The following SERINC2 variants were observed in gnomAD, a reference collection of about 807,000 sequenced individuals.
The protein encoded by SERINC2 is serine incorporator 2.
In SERINC2, 56 loss-of-function variants were observed where a neutral mutation model predicts 54.2. The ratio of observed to expected loss-of-function variants is 1.03; its 90% CI spans 0.83 to 1.29. The LOEUF (loss-of-function observed/expected upper bound fraction) is 1.29. Among genes scored for constraint, SERINC2 ranks in the 50% most tolerant of loss-of-function variants. The pLI, the probability that SERINC2 is intolerant of heterozygous loss-of-function variation, is 0.00. For synonymous variants in SERINC2, 272 were observed against 253.1 expected (o/e 1.07, Z -0.71); for missense variants, 614 against 607.4 (o/e 1.01, Z -0.12).
In SERINC2 at chr1:31,425,759, C is replaced by T. The variant is rs374878538; in HGVS notation, c.473-17C>T. On this transcript the variant is annotated splice_polypyrimidine_tract_variant and intron_variant, in intron 4 of 9. Transcript: ENST00000373709. ...AGAGAGGGACCCTCCTCGCCTCACTCCCCTCTCCCCACCCAGTCTGGTTCT... is the reference window on the plus strand; with the variant it reads ...AGAGAGGGACCCTCCTCGCCTCACTTCCCTCTCCCCACCCAGTCTGGTTCT... 3 of 1,591,324 alleles carry T rather than the reference C, an allele frequency of 1.9e-6. No homozygotes were observed. In the East Asian group the frequency reaches 6.7e-5, roughly 35 times the overall value.
intron 1 of SERINC2, among the ~76,000 whole-genome samples, chr1:31,416,256 C>T (rs912873924): frequency 2.6e-5 from 4 of 152,168 alleles, no homozygotes; most frequent in Non-Finnish European, 5.9e-5. Flanking sequence ...CATAAACACC[C>T]CACAGTAGTA....
At chr1:31,432,837 C>A in intron 8 of SERINC2, 130 bp from the exon 9 acceptor site, 1 of 677,740 alleles carries the variant, frequency 1.5e-6, no homozygotes, top group Non-Finnish European at 2.5e-6. Flanking sequence ...AGTTGAGAGG[C>A]AAAGCAGTTT....
intron 8 of SERINC2, among the ~76,000 whole-genome samples, chr1:31,429,840 AG>A (rs1641148460): frequency 6.6e-6 from 1 of 152,056 alleles, no homozygotes; most frequent in South Asian, 2.1e-4. Context: ...CAGTGGGTCC[AG>A]GGTCTGTTTC....
At chr1:31,432,077 GGGTGGTTAGGGTGGAC>G (rs1641277495) in intron 8 of SERINC2, among the ~76,000 whole-genome samples, 14 of 121,508 alleles carry the variant, frequency 1.2e-4, no homozygotes, top group East Asian at 2.7e-4. Context: ...AGGGTGGACA[GGGTGGTTAGGGTGGAC>G]AGGGTGGACA....
chr1:31,429,554 G>A lies in SERINC2; in HGVS notation c.1013+16G>A, dbSNP rs1054103491. The A allele has an allele frequency of 3.2e-6, 5 of 1,583,472 alleles. No homozygotes were observed. The highest frequency in any genetic ancestry group is 4.3e-6 in the Non-Finnish European group (5 of 1,161,836). The stretch of plus-strand genomic sequence containing the variant: ...TCTTCATCAGGTATGGCCAGGTCTG[G>A]ATTCTGGGGAAGGATCATGATTGAG... On this transcript the variant is annotated intron_variant, in intron 8 of 9. Coordinates refer to ENST00000373709, the MANE Select transcript of SERINC2 (RefSeq NM_178865.5).
upstream of SERINC2, chr1:31,410,249 G>A (rs782249689): frequency 4.7e-6 from 7 of 1,476,956 alleles, no homozygotes; most frequent in African/African-American, 9.9e-5. Flanking sequence ...CCATGCAGGA[G>A]GTTCAAATCT....
chr1:31,422,183 C>T (rs1200700665), intron 1 of SERINC2, among the ~76,000 whole-genome samples: 4 of 151,486 alleles, frequency 2.6e-5, no homozygotes, highest in Admixed American at 2.0e-4. Context: ...CTTGTAGTCC[C>T]AGCTACTCAG....
At chr1:31,424,526 A>G (rs1382543571) in intron 2 of SERINC2, among the ~76,000 whole-genome samples, 157 bp from the exon 3 acceptor site, 1 of 152,152 alleles carries the variant, frequency 6.6e-6, no homozygotes, top group Non-Finnish European at 1.5e-5. Context: ...GGCAGTGGAG[A>G]TAGAGGTGAG....
chr1:31,413,026 C>A (rs1047010224), upstream of SERINC2: 1 of 507,002 alleles, frequency 2.0e-6, no homozygotes, highest in Non-Finnish European at 2.6e-6. This position sits in a 1 kb window ranked among gnomAD's most constrained non-coding sequence, Gnocchi z 5.0. Flanking sequence ...GGTCAGGTTG[C>A]GCCGCTCGCG....
intron 1 of SERINC2, among the ~76,000 whole-genome samples, chr1:31,417,138 G>A (rs1275325144): frequency 6.6e-6 from 1 of 152,128 alleles, no homozygotes; most frequent in Non-Finnish European, 1.5e-5. Context: ...TAAGGCACAC[G>A]GTAACTCCAG....
In SERINC2 at chr1:31,426,898, C is replaced by CT. The variant is rs563206503; in HGVS notation, c.780+76dup. 1.2e-4 allele frequency: 175 copies of CT among 1,403,926 alleles called. No homozygotes were observed. The African/African-American group carries it at 2.2e-3, about 18-fold the overall frequency. 87.0% of individuals were successfully genotyped at this position (1,403,926 alleles called of 1,614,324 possible). The stretch of plus-strand genomic sequence containing the variant: ...GGGACTTCTTGTAGGAACCTGGGTC[C>CT]TGGGGCTAGGGCTGTCATCACAGAG... On this transcript the variant is annotated intron_variant, in intron 6 of 9. Transcript: ENST00000373709.
rs1557500828 is a variant in SERINC2 at position 31,432,056 on chromosome 1, ACAGGG to A, written c.1014-910_1014-906del. 2.1e-4 allele frequency among the ~76,000 whole-genome samples: 26 copies of A among 125,194 alleles called. 1 individual carries two copies. The highest frequency in any genetic ancestry group is 3.9e-4 in the Admixed American group (5 of 12,924). 82.1% of individuals were successfully genotyped at this position (125,194 alleles called of 152,430 possible). A position where few individuals can be genotyped will look rare whatever the true frequency, so the allele number is the denominator to read the frequency against. On this transcript the variant is annotated intron_variant, in intron 8 of 9. Coordinates refer to ENST00000373709, the MANE Select transcript of SERINC2 (RefSeq NM_178865.5). ...AGGGTGGACAGGGTGGACAGGGTGGACAGGGTGGACAGGGTGGACAGGGTGGTTAG... is the reference window on the plus strand; with the variant it reads ...AGGGTGGACAGGGTGGACAGGGTGGATGGACAGGGTGGACAGGGTGGTTAG...
chr1:31,412,271 C>T (rs1640663568), upstream of SERINC2, among the ~76,000 whole-genome samples: 1 of 152,142 alleles, frequency 6.6e-6, no homozygotes, highest in Non-Finnish European at 1.5e-5. Context: ...CAGAGCCCTA[C>T]TTCTGGGTCT....
upstream of SERINC2, chr1:31,413,098 G>C: frequency 1.0e-6 from 1 of 994,400 alleles, no homozygotes; most frequent in Non-Finnish European, 1.2e-6. This position sits in a 1 kb window ranked among gnomAD's most constrained non-coding sequence, Gnocchi z 5.0. Flanking sequence ...CCTGCCCCAG[G>C]TGAGTCTGGG....
At chr1:31,413,203 C>CCCGGATCCCGAGGT, upstream of SERINC2, 1 of 1,067,074 alleles carries the variant, frequency 9.4e-7, no homozygotes, top group Admixed American at 5.5e-5. The surrounding 1 kb of genome is among the most constrained non-coding windows in gnomAD (Gnocchi z 5.0). Context: ...AGGCCCGGCA[C>CCCGGATCCCGAGGT]CCGGATCCCG....
At chr1:31,421,378 C>T (rs541203666) in intron 1 of SERINC2, among the ~76,000 whole-genome samples, 5 of 152,262 alleles carry the variant, frequency 3.3e-5, no homozygotes, top group Admixed American at 6.5e-5. Context: ...TCAGGCTTTT[C>T]TTATCCTCTC....
chr1:31,426,836 G>GTCCCCC lies in SERINC2; in HGVS notation c.780+13_780+14insTCCCCC, dbSNP rs782516184. The GTCCCCC allele has an allele frequency of 6.2e-7, 1 of 1,600,402 alleles. No individual in the cohort carries two copies. The highest frequency in any genetic ancestry group is 8.5e-7 in the Non-Finnish European group (1 of 1,169,976). ...GCCCAAGGTCCAGGTGAGCCTGCCT[G>GTCCCCC]ACCCCCCCTGGCCTGAAGCCCGGCC... is the stretch of plus-strand genomic sequence containing the variant. On this transcript the variant is annotated intron_variant, in intron 6 of 9. Transcript: ENST00000373709.
chr1:31,409,836 T>A, upstream of SERINC2: 2 of 1,557,234 alleles, frequency 1.3e-6, no homozygotes, highest in Non-Finnish European at 1.7e-6. Flanking sequence ...ATCTGAGTCC[T>A]CATGGACGGG....
chr1:31,431,109 C>T (rs1196556108), intron 8 of SERINC2, among the ~76,000 whole-genome samples: 1 of 151,482 alleles, frequency 6.6e-6, no homozygotes, highest in Non-Finnish European at 1.5e-5. Context: ...CCTCCCCTCC[C>T]TTCCCCTCCC....
Sources: gnomAD v4.1 joint callset for allele counts (sites outside exome capture counted in the v4.1 genomes callset) on GRCh38, gnomAD v4.1.1 for gene constraint, Gnocchi (gnomAD v3.1) non-coding constraint, MANE v1.5 for transcripts, NCBI Gene and HGNC (gene_info 2026-07-23, HGNC 2026-07-21) for gene names.